The following NAV2 variants were observed in gnomAD, a reference collection of about 807,000 sequenced individuals.
The protein encoded by NAV2 is neuron navigator 2.
Under a neutral mutation model 223.2 loss-of-function variants are expected in NAV2, and 54 were observed. The ratio of observed to expected loss-of-function variants is 0.24; its 90% CI spans 0.19 to 0.30. The LOEUF (loss-of-function observed/expected upper bound fraction) is 0.30, where lower values mean the gene tolerates loss of function less well. NAV2 is among the 10% of genes least tolerant of loss of function. NAV2 has a pLI of 1.00. For synonymous variants in NAV2, 1,279 were observed against 1,239.3 expected (o/e 1.03, Z -0.67); for missense variants, 2,806 against 3,147.5 (o/e 0.89, Z 2.60).
At chr11:20,019,744 G>T (rs1194409201) in intron 11 of NAV2, among the ~76,000 whole-genome samples, 1 of 151,964 alleles carries the variant, frequency 6.6e-6, no homozygotes, top group African/African-American at 2.4e-5. Flanking sequence ...ATGGAAACCC[G>T]GGATGAGGCC....
intron 1 of NAV2, chr11:19,518,557 A>G (rs1201075820): frequency 6.6e-6 from 1 of 152,232 alleles, no homozygotes; most frequent in Non-Finnish European, 1.5e-5. Flanking sequence ...CTCAGTTAGA[A>G]CAAAGTACCC....
At position 19,528,685 on chromosome 11, in the gene NAV2, G is replaced by A. The variant is rs7114118; in HGVS notation, c.75+177658G>A. ...GGTGGCTTATGCCTGTAATCCCAGC[G>A]CTTTGGGAGGCTGAGATGGGCAGAT... On this transcript the variant is annotated intron_variant, in intron 1 of 37. Coordinates refer to the NAV2 transcript ENST00000360655. Among the ~76,000 whole-genome samples the A allele has an allele frequency of 7.1e-3, 1,075 of 152,184 alleles. 10 individuals carry two copies. The highest frequency in any genetic ancestry group is 0.023 in the African/African-American group (958 of 41,532).
At chr11:19,358,438 G>C (rs1289014106) in intron 1 of NAV2, among the ~76,000 whole-genome samples, 5 of 152,118 alleles carry the variant, frequency 3.3e-5, no homozygotes, top group African/African-American at 1.2e-4. Context: ...ATGTTAGAGA[G>C]GAAAGTTAAG....
chr11:19,539,174 G>C (rs956347495), intron 1 of NAV2, among the ~76,000 whole-genome samples: 1 of 152,276 alleles, frequency 6.6e-6, no homozygotes, highest in South Asian at 2.1e-4. Flanking sequence ...GCCTCATTAC[G>C]ATCAGTTAGA....
chr11:20,010,127 G>A (rs2053443378), intron 11 of NAV2, among the ~76,000 whole-genome samples: 1 of 151,630 alleles, frequency 6.6e-6, no homozygotes, highest in African/African-American at 2.4e-5. Flanking sequence ...CAGCTTATTA[G>A]TGAAGCCAGA....
At chr11:19,548,392 G>A (rs147334165) in intron 1 of NAV2, among the ~76,000 whole-genome samples, 53 of 152,216 alleles carry the variant, frequency 3.5e-4, no homozygotes, top group South Asian at 1.2e-3. Context: ...CTAGGAGGGC[G>A]AGCCTGTGCT....
Position 20,022,610 on chromosome 11 carries a change from T to C in NAV2, c.2769-13349T>C, listed in dbSNP as rs947471848. ...GACGTCAATGGAATGAGCTAAGAAA[T>C]GTTATAGTCAATGATTTTTGCATCA... On this transcript the variant is annotated intron_variant, in intron 11 of 37. Coordinates refer to ENST00000349880, the MANE Select transcript of NAV2 (RefSeq NM_145117.5). 4 of 986,786 alleles carry C rather than the reference T, an allele frequency of 4.1e-6. No homozygotes were observed. In the Admixed American group the frequency reaches 1.8e-4, roughly 45 times the overall value. 61.1% of individuals were successfully genotyped at this position (986,786 alleles called of 1,614,324 possible).
chr11:20,091,336 C>T (rs1592101063), intron 27 of NAV2, among the ~76,000 whole-genome samples: 1 of 152,182 alleles, frequency 6.6e-6, no homozygotes, highest in East Asian at 1.9e-4. Context: ...CCACCCTCCC[C>T]AGCTCCTCTT....
chr11:20,077,465 C>T (rs560948016), intron 22 of NAV2, 87 bp from the exon 23 acceptor site: 28 of 1,019,440 alleles, frequency 2.7e-5, no homozygotes, highest in Middle Eastern at 2.1e-4. Context: ...AATGGACCCA[C>T]AGGATTTTCA....
intron 1 of NAV2, among the ~76,000 whole-genome samples, chr11:19,440,422 T>C (rs1360558032): frequency 1.3e-5 from 2 of 151,972 alleles, no homozygotes; most frequent in African/African-American, 4.8e-5. Context: ...TGTACAAGGG[T>C]GTAACTAGTA....
chr11:19,910,446 G>C (rs1220649261), intron 6 of NAV2, among the ~76,000 whole-genome samples: 6 of 152,174 alleles, frequency 3.9e-5, no homozygotes, highest in Non-Finnish European at 7.3e-5. Context: ...TAGGCAAGGA[G>C]AGTTCATATA....
chr11:19,499,388 GT>G (rs2042893442), intron 1 of NAV2, among the ~76,000 whole-genome samples: 1 of 152,220 alleles, frequency 6.6e-6, no homozygotes, highest in Non-Finnish European at 1.5e-5. Context: ...AGGGGTCAAG[GT>G]GGGAAAGGGC....
intron 8 of NAV2, among the ~76,000 whole-genome samples, chr11:19,945,195 C>CCCTTCCCTTCCCTTCCCTTT: frequency 1.2e-5 from 1 of 81,220 alleles, no homozygotes; most frequent in Non-Finnish European, 2.5e-5. Context: ...CCCTTCCCTT[C>CCCTTCCCTTCCCTTCCCTTT]CCTTCCCTTT....
rs2625296 is a variant in NAV2 at position 20,016,521 on chromosome 11, A to C, written c.2769-19438A>C. On this transcript the variant is annotated intron_variant, in intron 11 of 37. Transcript: ENST00000349880. ...ACCAACAAAAGGTAACAGAAACTGC[A>C]GCTCTATAAGATAAAATATTTGAAG... Among the ~76,000 whole-genome samples, 1,203 of 152,364 alleles carry C rather than the reference A, an allele frequency of 7.9e-3. 18 individuals are homozygous for C. Among genetic ancestry groups the C allele is most frequent in the African/African-American group, 0.027 (1,142 of 41,588 alleles).
chr11:19,955,872 C>G (rs1360461430), intron 10 of NAV2, among the ~76,000 whole-genome samples: 1 of 152,194 alleles, frequency 6.6e-6, no homozygotes, highest in Non-Finnish European at 1.5e-5. Context: ...CTCCTTACAG[C>G]CTAACGCACC....
intron 1 of NAV2, among the ~76,000 whole-genome samples, chr11:19,569,376 G>A (rs2045359415): frequency 6.6e-6 from 1 of 152,150 alleles, no homozygotes; most frequent in African/African-American, 2.4e-5. Context: ...TCACTGGAAT[G>A]TAAACCCCAT....
intron 5 of NAV2, among the ~76,000 whole-genome samples, chr11:19,883,694 T>G (rs1485110655): frequency 6.6e-6 from 1 of 152,160 alleles, no homozygotes; most frequent in Non-Finnish European, 1.5e-5. Flanking sequence ...AGTAAATAAG[T>G]TTAACTTTTT....
chr11:19,374,621 C>T (rs1474324865), intron 1 of NAV2, among the ~76,000 whole-genome samples: 1 of 152,228 alleles, frequency 6.6e-6, no homozygotes, highest in Admixed American at 6.5e-5. Flanking sequence ...ACCAAGAGAA[C>T]TCAACCATGA....
At chr11:19,660,095 C>T (rs532433612) in intron 1 of NAV2, among the ~76,000 whole-genome samples, 2 of 152,262 alleles carry the variant, frequency 1.3e-5, no homozygotes, top group Admixed American at 6.5e-5. Flanking sequence ...CCCCAGGCAT[C>T]CTTCTCTCAC....
Sources: gnomAD v4.1 joint callset for allele counts (sites outside exome capture counted in the v4.1 genomes callset) on GRCh38, gnomAD v4.1.1 for gene constraint, MANE v1.5 for transcripts, NCBI Gene and HGNC (gene_info 2026-07-23, HGNC 2026-07-21) for gene names.